Variants in C17orf78 observed in about 807,000 individuals in gnomAD.
C17orf78 encodes the protein uncharacterized protein C17orf78.
C17orf78 carries 27 observed loss-of-function variants against 31.8 expected under a neutral mutation model. The ratio of observed to expected loss-of-function variants is 0.85; its 90% CI spans 0.63 to 1.17. The LOEUF is 1.17. Among genes scored for constraint, C17orf78 ranks in the 50% most tolerant of loss-of-function variants. C17orf78 has a pLI of 0.00. For missense variants in C17orf78, 258 were observed against 315.2 expected (o/e 0.82, Z 1.37); for synonymous variants, 106 against 115.1 (o/e 0.92, Z 0.51).
At chr17:37,391,068 C>G (rs2050862411) in intron 6 of C17orf78, among the ~76,000 whole-genome samples, 1 of 151,778 alleles carries the variant, frequency 6.6e-6, no homozygotes, top group Non-Finnish European at 1.5e-5. Flanking sequence ...GTGAAACTGT[C>G]TCAACTAAAA....
chr17:37,378,644 C>T (rs113934169), intron 2 of C17orf78, among the ~76,000 whole-genome samples: 342 of 152,282 alleles, frequency 2.2e-3, no homozygotes, highest in African/African-American at 7.8e-3. Context: ...ACCAGAGAGG[C>T]GGAGGTTGCA....
chr17:37,391,709 C>T lies in C17orf78; in HGVS notation c.813C>T (p.His271=). 6.2e-7 allele frequency: 1 copy of T among 1,613,700 alleles called. No individual in the cohort carries two copies. The highest frequency in any genetic ancestry group is 8.5e-7 in the Non-Finnish European group (1 of 1,179,726). Residue 271 remains histidine (H), a synonymous_variant, in exon 7 of 7, where the codon CAC becomes CAT. Transcript: ENST00000615133. ...PKKAAEITVI[H]QTYF ...AAGCTGCAGAGATCACTGTTATCCA[C>T]CAGACATACTTCTGAAAAGTTCTGC...
At position 37,386,007 on chromosome 17, in the gene C17orf78, A is replaced by AG; in HGVS notation, c.392-1dup. The AG allele has an allele frequency of 6.4e-7, 1 of 1,565,738 alleles. No individual in the cohort carries two copies. On this transcript the variant is annotated splice_acceptor_variant, in intron 3 of 6. Transcript: ENST00000615133. LOFTEE classifies it high-confidence loss of function. The stretch of plus-strand genomic sequence containing the variant: ...TTTCATCTTTTCTACTTTGTTTTAT[A>AG]GCTTTTTTACCAGGGATCTCACAAT...
At chr17:37,377,608 G>A (rs557998159) in intron 1 of C17orf78, among the ~76,000 whole-genome samples, 13 of 151,672 alleles carry the variant, frequency 8.6e-5, no homozygotes, top group East Asian at 7.7e-4. Flanking sequence ...TGCAATGAGC[G>A]GAGATCACGT....
At chr17:37,380,273 T>G (rs1462739058) in intron 3 of C17orf78, among the ~76,000 whole-genome samples, 4 of 90,940 alleles carry the variant, frequency 4.4e-5, no homozygotes, top group South Asian at 4.1e-4. Context: ...TGGGGACTGT[T>G]GTGGGGTGGG....
chr17:37,381,415 A>G (rs1382602219), intron 3 of C17orf78, among the ~76,000 whole-genome samples: 2 of 151,772 alleles, frequency 1.3e-5, no homozygotes, highest in African/African-American at 4.9e-5. Flanking sequence ...TGAACTCCTG[A>G]CTTCAAGTGT....
chr17:37,391,283 T>C (rs192650475), intron 6 of C17orf78, among the ~76,000 whole-genome samples: 6 of 152,286 alleles, frequency 3.9e-5, no homozygotes, highest in South Asian at 4.1e-4. Context: ...CATTATCTCA[T>C]TTGAGCCTTA....
rs2050810409 is a variant in C17orf78 at position 37,390,324 on chromosome 17, A to AATATATC, written c.750+962_750+963insATATATC. On this transcript the variant is annotated intron_variant, in intron 6 of 6. Transcript: ENST00000615133. Reference sequence around the variant, plus strand: ...CATAATTATATATATATATATATATATATATATATAAAAGGCCAGCTGGGC... The same window carrying AATATATC: ...CATAATTATATATATATATATATATAATATATCTATATATATAAAAGGCCAGCTGGGC... Among the ~76,000 whole-genome samples, 6 of 66,870 alleles carry AATATATC rather than the reference A, an allele frequency of 9.0e-5. 2 individuals carry two copies. Among genetic ancestry groups the AATATATC allele is most frequent in the Non-Finnish European group, 1.5e-4 (6 of 40,466 alleles). The allele number at this position is 66,870 out of a possible 152,430, so 43.9% of individuals were successfully genotyped here. A position where few individuals can be genotyped will look rare whatever the true frequency, so the allele number is the denominator to read the frequency against.
At position 37,390,322 on chromosome 17, in the gene C17orf78, A is replaced by C. The variant is rs929520859; in HGVS notation, c.750+960A>C. 5.5e-4 allele frequency among the ~76,000 whole-genome samples: 21 copies of C among 38,064 alleles called. 3 individuals are homozygous for C. Among genetic ancestry groups the C allele is most frequent in the East Asian group, 2.3e-3 (1 of 428 alleles). 25.0% of individuals were successfully genotyped at this position (38,064 alleles called of 152,430 possible). On this transcript the variant is annotated intron_variant, in intron 6 of 6. Transcript: ENST00000615133. ...TACATAATTATATATATATATATAT[A>C]TATATATATATAAAAGGCCAGCTGG...
At chr17:37,377,033 G>A (rs2147710518) in intron 1 of C17orf78, among the ~76,000 whole-genome samples, 1 of 152,206 alleles carries the variant, frequency 6.6e-6, no homozygotes, top group African/African-American at 2.4e-5. Flanking sequence ...CAGCAGTAAC[G>A]AATTTGACAA....
Position 37,379,303 on chromosome 17 carries a change from C to A in C17orf78, c.312C>A (p.Arg104=), listed in dbSNP as rs776366004. Residue 104 remains arginine, a synonymous_variant, in exon 3 of 7, where the codon CGC becomes CGA. Coordinates refer to ENST00000615133, the MANE Select transcript of C17orf78 (RefSeq NM_173625.5). ...ACCTGAGAATCATTGCTGCTCCCCG[C>A]AGAAACAGCTCTGCCTCCTCAAGCT... ...LKNLRIIAAP[R]RNSSASSSCH... 4 of 1,614,010 alleles carry A rather than the reference C, an allele frequency of 2.5e-6. No homozygotes were observed. Among genetic ancestry groups the A allele is most frequent in the South Asian group, 1.1e-5 (1 of 91,088 alleles).
In C17orf78 at chr17:37,377,892, C is replaced by T. The variant is rs374933852; in HGVS notation, c.72C>T (p.Ser24=). 2.5e-6 allele frequency: 4 copies of T among 1,613,376 alleles called. No homozygotes were observed. Among genetic ancestry groups the T allele is most frequent in the Non-Finnish European group, 3.4e-6 (4 of 1,179,626 alleles). The part of the protein sequence containing the change: ...YDANKKDLRD[S]SCRLEQLPGI... ...GCTCACCCCCAGACCTCAGAGATAG[C>T]AGTTGCCGACTGGAACAGCTGCCTG... Residue 24 remains serine (S), a synonymous_variant, in exon 2 of 7, where the codon AGC becomes AGT. Transcript: ENST00000615133.
chr17:37,386,205 C>T, intron 4 of C17orf78, 80 bp downstream of exon 4: 1 of 881,410 alleles, frequency 1.1e-6, no homozygotes, highest in Non-Finnish European at 1.7e-6. Flanking sequence ...ATTTTTAGCC[C>T]CAGCGTTAGT....
intron 3 of C17orf78, among the ~76,000 whole-genome samples, 185 bp downstream of exon 3, chr17:37,379,567 C>T (rs1042887496): frequency 6.6e-6 from 1 of 152,102 alleles, no homozygotes. Context: ...AGCCCTTTGT[C>T]AGATGAGTAG....
intron 1 of C17orf78, 101 bp downstream of exon 1, chr17:37,376,251 C>A (rs1035955482): frequency 8.3e-6 from 8 of 969,184 alleles, no homozygotes; most frequent in Non-Finnish European, 1.1e-5. Context: ...TGATATCCAG[C>A]AAGCAATACT....
intron 3 of C17orf78, among the ~76,000 whole-genome samples, chr17:37,381,486 A>G (rs1019189898): frequency 1.3e-5 from 2 of 151,886 alleles, no homozygotes; most frequent in Non-Finnish European, 2.9e-5. Context: ...GCGCCTGGCC[A>G]ATCCCTTGCT....
At chr17:37,384,469 C>T (rs1222481759) in intron 3 of C17orf78, among the ~76,000 whole-genome samples, 2 of 152,114 alleles carry the variant, frequency 1.3e-5, no homozygotes, top group African/African-American at 2.4e-5. Flanking sequence ...TGTTTACACA[C>T]ATGCTTTCTC....
intron 4 of C17orf78, 60 bp downstream of exon 4, chr17:37,386,185 G>A: frequency 8.9e-7 from 1 of 1,122,102 alleles, no homozygotes; most frequent in Non-Finnish European, 1.3e-6. Flanking sequence ...AATGGGAACA[G>A]AAAAGAAACA....
In C17orf78 at chr17:37,392,471, T is replaced by A. The variant is rs1329035336; in HGVS notation, c.*747T>A. ...GAATAGCTATGAGTCAAATCTAACCTGCTTAAATAAGAGTTTGGTGAGAAA... is the reference window on the plus strand; with the variant it reads ...GAATAGCTATGAGTCAAATCTAACCAGCTTAAATAAGAGTTTGGTGAGAAA... On this transcript the variant is annotated 3_prime_UTR_variant, in exon 7 of 7. Coordinates refer to ENST00000615133, the MANE Select transcript of C17orf78 (RefSeq NM_173625.5). 6.6e-6 allele frequency: 1 copy of A among 152,192 alleles called. No individual in the cohort carries two copies. The highest frequency in any genetic ancestry group is 1.5e-5 in the Non-Finnish European group (1 of 68,040). 9.4% of individuals were successfully genotyped at this position (152,192 alleles called of 1,614,324 possible). A position where few individuals can be genotyped will look rare whatever the true frequency, so the allele number is the denominator to read the frequency against.
Sources: allele counts gnomAD v4.1 joint callset (sites outside exome capture counted in the v4.1 genomes callset), GRCh38; gene constraint gnomAD v4.1.1; transcripts MANE v1.5; gene names NCBI Gene and HGNC (gene_info 2026-07-23, HGNC 2026-07-21).